Variants in CDH23 observed in about 807,000 individuals in gnomAD.
The protein encoded by CDH23 is cadherin-23.
CDH23 carries 189 observed loss-of-function variants against 317.1 expected under a neutral mutation model. That is an observed-to-expected ratio of 0.60 (90% CI 0.53 to 0.67). The LOEUF is 0.67. Among genes scored for constraint, CDH23 ranks in the 30% least tolerant of loss-of-function variants. The probability of loss-of-function intolerance (pLI) is 0.00; values close to 1 mark genes in which losing one functional copy is unlikely to be tolerated. For synonymous variants in CDH23, 1,839 were observed against 1,876.8 expected, an observed-to-expected ratio of 0.98 and a Z score of 0.52; for missense variants, 4,401 against 4,592.4, an observed-to-expected ratio of 0.96 and a Z score of 1.20.
At chr10:71,415,729 A>G (rs1848506785) in intron 1 of CDH23, among the ~76,000 whole-genome samples, 1 of 152,058 alleles carries the variant, frequency 6.6e-6, no homozygotes, top group Non-Finnish European at 1.5e-5. Flanking sequence ...AGTGTTTTCT[A>G]ATTTCTGTTA....
At chr10:71,620,251 G>T (rs1339143852) in intron 11 of CDH23, among the ~76,000 whole-genome samples, 1 of 152,150 alleles carries the variant, frequency 6.6e-6, no homozygotes, top group Non-Finnish European at 1.5e-5. Context: ...ACCACCAGCA[G>T]GCCAGGAAGC....
chr10:71,722,047 G>A (rs1784873914), intron 28 of CDH23, among the ~76,000 whole-genome samples: 1 of 152,192 alleles, frequency 6.6e-6, no homozygotes, highest in African/African-American at 2.4e-5. Flanking sequence ...TTTGCTAGCA[G>A]GAACCCATCC....
chr10:71,397,871 C>T lies in CDH23; in HGVS notation c.-6+553C>T, dbSNP rs1847596400. On this transcript the variant is annotated intron_variant, in intron 1 of 69. Coordinates refer to ENST00000224721, the MANE Select transcript of CDH23 (RefSeq NM_022124.6). The surrounding 1 kb of genome is among the most constrained non-coding windows in gnomAD (Gnocchi z 4.8). ...TGTGCCCGCGGGAGACCCCAGGGGA[C>T]TTACACATCCTCCCAAATTCGGTCC... Among the ~76,000 whole-genome samples the T allele has an allele frequency of 6.6e-6, 1 of 152,188 alleles. No homozygotes were observed. Among genetic ancestry groups the T allele is most frequent in the Admixed American group, 6.5e-5 (1 of 15,286 alleles).
At chr10:71,562,741 T>G (rs1184542178) in intron 6 of CDH23, among the ~76,000 whole-genome samples, 1 of 152,174 alleles carries the variant, frequency 6.6e-6, no homozygotes, top group Non-Finnish European at 1.5e-5. Flanking sequence ...ACAGCCAGGG[T>G]GGGAGGCTCT....
intron 3 of CDH23, among the ~76,000 whole-genome samples, chr10:71,501,142 A>G (rs1415665250): frequency 6.6e-6 from 1 of 152,216 alleles, no homozygotes; most frequent in Non-Finnish European, 1.5e-5. Flanking sequence ...TGCTGGGATT[A>G]CAAGGCGTGA....
chr10:71,650,379 T>A (rs1013670605), intron 14 of CDH23, among the ~76,000 whole-genome samples: 3 of 152,192 alleles, frequency 2.0e-5, no homozygotes, highest in African/African-American at 7.2e-5. Context: ...TGAAGGGTGA[T>A]CACACAGAGG....
intron 11 of CDH23, among the ~76,000 whole-genome samples, chr10:71,621,487 G>A (rs1283344413): frequency 2.0e-5 from 3 of 152,214 alleles, no homozygotes; most frequent in Non-Finnish European, 4.4e-5. Flanking sequence ...TGCCTGGAAC[G>A]TTGATGGCAC....
intron 14 of CDH23, among the ~76,000 whole-genome samples, chr10:71,672,938 C>G (rs1443818217): frequency 1.3e-5 from 2 of 152,152 alleles, no homozygotes; most frequent in Non-Finnish European, 2.9e-5. Context: ...AGGCCCCTCC[C>G]TTCCTGCACA....
intron 57 of CDH23, among the ~76,000 whole-genome samples, chr10:71,806,533 C>T (rs553495775): frequency 3.3e-5 from 5 of 149,672 alleles, no homozygotes; most frequent in African/African-American, 1.2e-4. Context: ...CCTGTCTTTG[C>T]CTGCACACAC....
At chr10:71,681,835 G>A (rs1864665997) in intron 17 of CDH23, among the ~76,000 whole-genome samples, 1 of 152,282 alleles carries the variant, frequency 6.6e-6, no homozygotes, top group East Asian at 1.9e-4. Context: ...TAGAGAAATA[G>A]GGCTAGAGAC....
In CDH23 at chr10:71,608,531, C is replaced by T. The variant is rs184877546; in HGVS notation, c.833-6973C>T. Among the ~76,000 whole-genome samples, 23 of 152,330 alleles carry T rather than the reference C, an allele frequency of 1.5e-4. No homozygotes were observed. The East Asian group carries it at 3.9e-3, about 26-fold the overall frequency. On this transcript the variant is annotated intron_variant, in intron 9 of 69. Coordinates refer to ENST00000224721, the MANE Select transcript of CDH23 (RefSeq NM_022124.6). Reference sequence around the variant, plus strand: ...ACACAGGACTAGGCCCCAAGTATGCCGCTGCCTCTTACATACTGGTTGACC... The same window carrying T: ...ACACAGGACTAGGCCCCAAGTATGCTGCTGCCTCTTACATACTGGTTGACC...
chr10:71,633,425 G>A (rs1482332042), intron 11 of CDH23, among the ~76,000 whole-genome samples: 12 of 151,978 alleles, frequency 7.9e-5, no homozygotes, highest in Admixed American at 6.6e-4. Flanking sequence ...CACGCCCCAC[G>A]CCCCAAAGAT....
intron 1 of CDH23, among the ~76,000 whole-genome samples, chr10:71,423,156 G>A (rs1171389252): frequency 6.6e-6 from 1 of 152,294 alleles, no homozygotes; most frequent in South Asian, 2.1e-4. Context: ...GGAGTTTAAG[G>A]TCCAGTGAAA....
At position 71,459,472 on chromosome 10, in the gene CDH23, A is replaced by G. The variant is rs548194322; in HGVS notation, c.145+13077A>G. Among the ~76,000 whole-genome samples the G allele has an allele frequency of 9.2e-5, 14 of 152,306 alleles. No homozygotes were observed. The East Asian group carries it at 2.5e-3, about 27-fold the overall frequency. ...ATTTGCGGTGGTGCTGTTGTCGGCCAGTGCTTTTCCCAACTAGGTGAGAAG... is the reference window on the plus strand; with the variant it reads ...ATTTGCGGTGGTGCTGTTGTCGGCCGGTGCTTTTCCCAACTAGGTGAGAAG... On this transcript the variant is annotated intron_variant, in intron 3 of 69. Coordinates refer to ENST00000224721, the MANE Select transcript of CDH23 (RefSeq NM_022124.6).
intron 9 of CDH23, among the ~76,000 whole-genome samples, chr10:71,596,785 T>C (rs1439471595): frequency 6.6e-6 from 1 of 152,180 alleles, no homozygotes; most frequent in East Asian, 1.9e-4. Context: ...ACTTGCCGTG[T>C]TGGGCAGGGG....
chr10:71,777,780 C>T lies in CDH23; in HGVS notation c.4946C>T (p.Thr1649Met), dbSNP rs752362029. The T allele has an allele frequency of 1.9e-5, 30 of 1,613,786 alleles. No homozygotes were observed. The highest frequency in any genetic ancestry group is 1.3e-4 in the African/African-American group (10 of 74,926). The change falls in exon 39 of 70, where the codon ACG (threonine) becomes ATG (methionine). Residue 1649 changes from threonine to methionine, a missense_variant. Physicochemically the swap from Thr to Met is moderately conservative, Grantham distance 81. Transcript: ENST00000224721. ...YEVLLDEGPDTLNTSLITIQA... is the reference protein window; with the variant it reads ...YEVLLDEGPDMLNTSLITIQA... Reference sequence around the variant, plus strand: ...GTGCTGCTGGATGAGGGCCCAGACACGCTCAACACCAGCCTCATCACCATC... The same window carrying T: ...GTGCTGCTGGATGAGGGCCCAGACATGCTCAACACCAGCCTCATCACCATC...
At chr10:71,680,377 G>A (rs760425494) in intron 17 of CDH23, among the ~76,000 whole-genome samples, 14 of 152,228 alleles carry the variant, frequency 9.2e-5, no homozygotes, top group East Asian at 1.9e-4. Flanking sequence ...ATCGATGTGC[G>A]TTGAGTGACT....
At chr10:71,675,743 G>C (rs12262033) in intron 15 of CDH23, among the ~76,000 whole-genome samples, 2 of 151,890 alleles carry the variant, frequency 1.3e-5, no homozygotes, top group Non-Finnish European at 2.9e-5. Flanking sequence ...CCCCAAGAGG[G>C]CTCTCAACAT....
chr10:71,734,707 G>A (rs370756726), intron 34 of CDH23, 49 bp downstream of exon 34: 10 of 1,264,514 alleles, frequency 7.9e-6, no homozygotes, highest in Non-Finnish European at 1.1e-5. Context: ...GCTGTGGCCA[G>A]TGCTGGCCGG....
Sources: gnomAD v4.1 joint callset for allele counts (sites outside exome capture counted in the v4.1 genomes callset) on GRCh38, gnomAD v4.1.1 for gene constraint, Gnocchi (gnomAD v3.1) non-coding constraint, MANE v1.5 for transcripts, NCBI Gene and HGNC (gene_info 2026-07-23, HGNC 2026-07-21) for gene names.